OXSR1: variants seen among roughly 807,000 people sequenced by gnomAD.
OXSR1 encodes the protein serine/threonine-protein kinase OSR1.
In OXSR1, 24 loss-of-function variants were observed where a neutral mutation model predicts 79.8. The ratio of observed to expected loss-of-function variants is 0.30; its 90% confidence interval spans 0.22 to 0.42. OXSR1 has a LOEUF of 0.42. Ranked by LOEUF, OXSR1 falls within the 10% of genes least tolerant of loss-of-function variation. OXSR1 has a pLI of 1.00. For synonymous variants in OXSR1, 226 were observed against 209.2 expected, an observed-to-expected ratio of 1.08 and a Z score of -0.69; for missense variants, 430 against 618.4, an observed-to-expected ratio of 0.70 and a Z score of 3.23.
At chr3:38,199,702 A>C (rs1702128779) in intron 4 of OXSR1, among the ~76,000 whole-genome samples, 1 of 152,092 alleles carries the variant, frequency 6.6e-6, no homozygotes, top group African/African-American at 2.4e-5. Flanking sequence ...GTGCTTTTCT[A>C]GTCTGATTTT....
Position 38,197,304 on chromosome 3 carries a change from T to C in OXSR1, c.293-1418T>C, listed in dbSNP as rs537855244. Among the ~76,000 whole-genome samples the C allele has an allele frequency of 4.4e-4, 67 of 152,202 alleles. 1 individual carries two copies. The highest frequency in any genetic ancestry group is 7.9e-4 in the Non-Finnish European group (54 of 68,026). ...CCTATCTCCTATTGGAGGTGAAGAG[T>C]TAGTAGGCAAGCCTCCGGGGAGGAA... On this transcript the variant is annotated intron_variant, in intron 3 of 17. Coordinates refer to ENST00000311806, the MANE Select transcript of OXSR1 (RefSeq NM_005109.3).
Position 38,242,757 on chromosome 3 carries a change from A to G in OXSR1, c.1089A>G (p.Lys363=). Residue 363 remains lysine (K), a synonymous_variant, in exon 12 of 18, where the codon AAA becomes AAG. Transcript: ENST00000311806. ...ATTTCGTTTAGTCTCCCCGAGTGAA[A>G]GAATCAATATCAAATTCTGAGGTAA... ...AISQLRSPRV[K]ESISNSELFP... The G allele has an allele frequency of 6.4e-7, 1 of 1,565,420 alleles. No individual in the cohort carries two copies. Among genetic ancestry groups the G allele is most frequent in the Non-Finnish European group, 8.7e-7 (1 of 1,144,208 alleles).
In OXSR1 at chr3:38,224,385, A is replaced by G. The variant is rs1371084003; in HGVS notation, c.703-186A>G. Among the ~76,000 whole-genome samples the G allele has an allele frequency of 3.3e-5, 5 of 152,230 alleles. No homozygotes were observed. In the East Asian group the frequency reaches 9.6e-4, roughly 29 times the overall value. Reference sequence around the variant, plus strand: ...GTGTGTTGAGAAGCTAACCATCTACAGCAGATTATTTACGTGAAATACACG... The same window carrying G: ...GTGTGTTGAGAAGCTAACCATCTACGGCAGATTATTTACGTGAAATACACG... On this transcript the variant is annotated intron_variant, in intron 7 of 17. Transcript: ENST00000311806.
intron 4 of OXSR1, among the ~76,000 whole-genome samples, chr3:38,199,328 A>G (rs1029055701): frequency 2.0e-5 from 3 of 150,158 alleles, no homozygotes; most frequent in Non-Finnish European, 4.4e-5. Flanking sequence ...GAGTAGCATG[A>G]TCATAACTCA....
intron 7 of OXSR1, 140 bp from the exon 8 acceptor site, chr3:38,224,431 C>T (rs1702648076): frequency 9.5e-6 from 6 of 631,178 alleles, no homozygotes; most frequent in Non-Finnish European, 1.6e-5. Context: ...GGGTTTTAAA[C>T]AACTGATTCA....
At chr3:38,178,892 C>T (rs1395901893) in intron 1 of OXSR1, among the ~76,000 whole-genome samples, 1 of 151,848 alleles carries the variant, frequency 6.6e-6, no homozygotes, top group Non-Finnish European at 1.5e-5. Flanking sequence ...GAGATGGAGT[C>T]TCTCTCTGTC....
At chr3:38,194,919 A>G (rs539396533) in intron 3 of OXSR1, among the ~76,000 whole-genome samples, 1 of 152,352 alleles carries the variant, frequency 6.6e-6, no homozygotes, top group South Asian at 2.1e-4. Context: ...AGGTAATTAA[A>G]TCATAAAATG....
chr3:38,166,261 G>A (rs1559495863), intron 1 of OXSR1, among the ~76,000 whole-genome samples: 1 of 152,132 alleles, frequency 6.6e-6, no homozygotes, highest in Admixed American at 6.5e-5. Context: ...GTGCAGGTGT[G>A]GGACAGGCCT....
At chr3:38,211,592 T>A (rs1702389271) in intron 4 of OXSR1, among the ~76,000 whole-genome samples, 1 of 152,218 alleles carries the variant, frequency 6.6e-6, no homozygotes, top group Non-Finnish European at 1.5e-5. Context: ...AGCATATCTT[T>A]CATTGTGGCC....
chr3:38,164,844 G>T (rs909506042), upstream of OXSR1, among the ~76,000 whole-genome samples: 2 of 152,062 alleles, frequency 1.3e-5, no homozygotes, highest in Non-Finnish European at 2.9e-5. Context: ...CGCGACAAGC[G>T]TTAGAGAGAA....
chr3:38,204,161 C>T (rs981928794), intron 4 of OXSR1, among the ~76,000 whole-genome samples: 10 of 152,144 alleles, frequency 6.6e-5, no homozygotes, highest in Non-Finnish European at 1.5e-4. Flanking sequence ...CCCCAGTGTT[C>T]AGCTGGGGCC....
intron 4 of OXSR1, among the ~76,000 whole-genome samples, chr3:38,214,006 G>C (rs1702437223): frequency 6.6e-6 from 1 of 151,972 alleles, no homozygotes; most frequent in Non-Finnish European, 1.5e-5. Context: ...CAGCTTAACT[G>C]GTCTCCTTTT....
At chr3:38,217,595 T>C (rs1279942293) in intron 5 of OXSR1, among the ~76,000 whole-genome samples, 1 of 152,194 alleles carries the variant, frequency 6.6e-6, no homozygotes, top group Non-Finnish European at 1.5e-5. Context: ...TGGTGCACTC[T>C]TGGCTCACTG....
At chr3:38,218,964 T>G (rs890058138) in intron 5 of OXSR1, among the ~76,000 whole-genome samples, 17 of 152,212 alleles carry the variant, frequency 1.1e-4, no homozygotes, top group African/African-American at 4.1e-4. Flanking sequence ...TCTTGAACTT[T>G]AATTGAAATT....
chr3:38,175,906 AT>A (rs1465176317), intron 1 of OXSR1, among the ~76,000 whole-genome samples: 4 of 152,182 alleles, frequency 2.6e-5, no homozygotes, highest in African/African-American at 9.7e-5. Flanking sequence ...GAAAGGCTGA[AT>A]TAGGATGTTT....
intron 3 of OXSR1, among the ~76,000 whole-genome samples, chr3:38,194,011 A>G (rs1000485100): frequency 1.3e-5 from 2 of 152,224 alleles, no homozygotes; most frequent in African/African-American, 4.8e-5. Context: ...AGTTAGAACT[A>G]AGCACAGCTT....
intron 4 of OXSR1, among the ~76,000 whole-genome samples, chr3:38,202,194 A>G (rs1374060683): frequency 6.6e-6 from 1 of 152,218 alleles, no homozygotes; most frequent in Admixed American, 6.5e-5. Flanking sequence ...GAGGAAGCAG[A>G]TGACCCAGGT....
At chr3:38,191,988 A>T (rs1701992579) in intron 3 of OXSR1, among the ~76,000 whole-genome samples, 1 of 152,226 alleles carries the variant, frequency 6.6e-6, no homozygotes, top group Non-Finnish European at 1.5e-5. Context: ...AAAAGGCAAG[A>T]TAAATAATGG....
In OXSR1 at chr3:38,165,555, G is replaced by C. The variant is rs1006627655; in HGVS notation, c.-322G>C. Reference sequence around the variant, plus strand: ...AAAGTTTGGCCCGTGCGTGGGGCTGGGGTGGAGGGCGGGACAGAGGGGCTG... The same window carrying C: ...AAAGTTTGGCCCGTGCGTGGGGCTGCGGTGGAGGGCGGGACAGAGGGGCTG... On this transcript the variant is annotated 5_prime_UTR_variant, in exon 1 of 18. Coordinates refer to ENST00000311806, the MANE Select transcript of OXSR1 (RefSeq NM_005109.3). 10 of 360,224 alleles carry C rather than the reference G, an allele frequency of 2.8e-5. No individual in the cohort carries two copies. Among genetic ancestry groups the C allele is most frequent in the Non-Finnish European group, 5.0e-5 (10 of 199,006 alleles). The allele number at this position is 360,224 out of a possible 1,614,324, so 22.3% of individuals were successfully genotyped here. A position where few individuals can be genotyped will look rare whatever the true frequency, so the allele number is the denominator to read the frequency against.
Sources: allele counts gnomAD v4.1 joint callset (sites outside exome capture counted in the v4.1 genomes callset), GRCh38; gene constraint gnomAD v4.1.1; transcripts MANE v1.5; gene names NCBI Gene and HGNC (gene_info 2026-07-23, HGNC 2026-07-21).